The following SPIN1 variants were observed in gnomAD, a reference collection of about 807,000 sequenced individuals.
The protein encoded by SPIN1 is spindlin 1.
Under a neutral mutation model 26.0 loss-of-function variants are expected in SPIN1, and 3 were observed. The ratio of observed to expected loss-of-function variants is 0.12; its 90% CI spans 0.05 to 0.30. The LOEUF is 0.30. Among genes scored for constraint, SPIN1 ranks in the 10% least tolerant of loss-of-function variants. The probability of loss-of-function intolerance (pLI) is 1.00; values close to 1 mark genes in which losing one functional copy is unlikely to be tolerated. For missense variants in SPIN1, 126 were observed against 333.4 expected (o/e 0.38, Z 4.84); for synonymous variants, 101 against 116.5 (o/e 0.87, Z 0.86).
intron 1 of SPIN1, among the ~76,000 whole-genome samples, chr9:88,393,296 T>A (rs1398650966): frequency 6.6e-6 from 1 of 152,024 alleles, no homozygotes; most frequent in African/African-American, 2.4e-5. Context: ...AATTTTTTTT[T>A]TAAAACTAGG....
rs375290668 is a variant in SPIN1, at chr9:88,411,393, C to G, written c.-158-14989C>G. The stretch of plus-strand genomic sequence containing the variant: ...CTCCTCAGGCTCTCATCGGTTGTTT[C>G]AAAGCTCAACCCTCCAATGAAGAGC... On this transcript the variant is annotated intron_variant, in intron 1 of 5. Transcript: ENST00000375859. 21 of 1,595,916 alleles carry G rather than the reference C, an allele frequency of 1.3e-5. No homozygotes were observed. In the East Asian group the frequency reaches 3.3e-4, roughly 25 times the overall value.
intron 1 of SPIN1, among the ~76,000 whole-genome samples, chr9:88,416,973 C>T (rs1827579376): frequency 6.6e-6 from 1 of 152,194 alleles, no homozygotes; most frequent in Admixed American, 6.5e-5. Flanking sequence ...GCAGAATGAC[C>T]TAACCTGTCT....
chr9:88,439,714 C>T (rs977388838), intron 2 of SPIN1, among the ~76,000 whole-genome samples: 5 of 152,156 alleles, frequency 3.3e-5, no homozygotes, highest in African/African-American at 1.2e-4. Flanking sequence ...AGAGTTGACA[C>T]CTTTATTTTA....
intron 1 of SPIN1, among the ~76,000 whole-genome samples, chr9:88,425,127 CTT>C (rs934800036): frequency 6.6e-6 from 1 of 152,050 alleles, no homozygotes; most frequent in Non-Finnish European, 1.5e-5. Context: ...TGAAGAACGA[CTT>C]TACCTTCTGG....
At chr9:88,467,267 G>T (rs959173635) in intron 4 of SPIN1, among the ~76,000 whole-genome samples, 1 of 151,968 alleles carries the variant, frequency 6.6e-6, no homozygotes, top group Non-Finnish European at 1.5e-5. Context: ...AACCACATGG[G>T]GTATCTGATT....
intron 1 of SPIN1, among the ~76,000 whole-genome samples, chr9:88,417,414 C>T (rs1827589996): frequency 1.3e-5 from 2 of 152,172 alleles, no homozygotes; most frequent in Admixed American, 6.5e-5. Context: ...TCACATCCCA[C>T]AAGACTGCCC....
At position 88,468,375 on chromosome 9, in the gene SPIN1, C is replaced by T. The variant is rs771830768; in HGVS notation, c.359C>T (p.Thr120Ile). 5 of 1,523,522 alleles carry T rather than the reference C, an allele frequency of 3.3e-6. No homozygotes were observed. Among genetic ancestry groups the T allele is most frequent in the Non-Finnish European group, 4.4e-6 (5 of 1,131,356 alleles). 94.4% of individuals were successfully genotyped at this position (1,523,522 alleles called of 1,614,324 possible). A position where few individuals can be genotyped will look rare whatever the true frequency, so the allele number is the denominator to read the frequency against. ...TTTTTTTTTTTTTAATCCCCAGCGACATCTCGAATCAGCGATGCACACTTG... is the reference window on the plus strand; with the variant it reads ...TTTTTTTTTTTTTAATCCCCAGCGATATCTCGAATCAGCGATGCACACTTG... ...ALEVLPDRVA[T>I]SRISDAHLAD... Residue 120 changes from threonine to isoleucine, a missense_variant, in exon 5 of 6, where the codon ACA becomes ATA. Transcript: ENST00000375859.
At chr9:88,440,651 G>A (rs575481561) in intron 2 of SPIN1, among the ~76,000 whole-genome samples, 1 of 148,920 alleles carries the variant, frequency 6.7e-6, no homozygotes, top group Non-Finnish European at 1.5e-5. Context: ...TGGTCTCAGC[G>A]TACTGCAACC....
At chr9:88,459,633 T>C (rs945193082) in intron 3 of SPIN1, among the ~76,000 whole-genome samples, 3 of 152,182 alleles carry the variant, frequency 2.0e-5, no homozygotes, top group African/African-American at 2.4e-5. Context: ...ATTTGAAATA[T>C]CAGAACAGAT....
At chr9:88,414,983 A>G (rs1367328208) in intron 1 of SPIN1, among the ~76,000 whole-genome samples, 1 of 152,098 alleles carries the variant, frequency 6.6e-6, no homozygotes, top group Non-Finnish European at 1.5e-5. Flanking sequence ...GGCTCACTGC[A>G]ACCTCCACCT....
chr9:88,418,923 C>T (rs975737609), intron 1 of SPIN1: 3 of 152,084 alleles, frequency 2.0e-5, no homozygotes, highest in Non-Finnish European at 2.9e-5. Context: ...TGACACATAG[C>T]GAGTGCTCAG....
chr9:88,473,667 G>C (rs570626860), intron 5 of SPIN1, among the ~76,000 whole-genome samples: 2 of 151,924 alleles, frequency 1.3e-5, no homozygotes. Flanking sequence ...GTGTGCACGC[G>C]CTATGGAAGC....
intron 1 of SPIN1, among the ~76,000 whole-genome samples, chr9:88,409,584 C>G (rs147444066): frequency 6.6e-6 from 1 of 151,586 alleles, no homozygotes; most frequent in Non-Finnish European, 1.5e-5. Flanking sequence ...TCCTGTAATC[C>G]CAGCACTTTG....
At chr9:88,469,041 G>C (rs1828724802) in intron 5 of SPIN1, among the ~76,000 whole-genome samples, 1 of 152,138 alleles carries the variant, frequency 6.6e-6, no homozygotes, top group Non-Finnish European at 1.5e-5. Flanking sequence ...GTAAATACTT[G>C]AACTTCAGAG....
At chr9:88,410,493 T>G in intron 1 of SPIN1, 1 of 756,048 alleles carries the variant, frequency 1.3e-6, no homozygotes. Context: ...CTGTCACTTC[T>G]CTGGTTCTCC....
intron 1 of SPIN1, among the ~76,000 whole-genome samples, chr9:88,390,065 C>T (rs1001440436): frequency 1.3e-5 from 2 of 152,070 alleles, no homozygotes; most frequent in African/African-American, 4.8e-5. Context: ...GTAGTAGATC[C>T]TAGATTCTTA....
At chr9:88,427,295 G>C (rs905540832) in intron 2 of SPIN1, among the ~76,000 whole-genome samples, 1 of 152,074 alleles carries the variant, frequency 6.6e-6, no homozygotes, top group Non-Finnish European at 1.5e-5. Context: ...AAGTGATTTA[G>C]AACAATTTCT....
intron 2 of SPIN1, among the ~76,000 whole-genome samples, chr9:88,447,455 G>T (rs1378587756): frequency 2.0e-5 from 3 of 152,048 alleles, no homozygotes; most frequent in Non-Finnish European, 4.4e-5. Flanking sequence ...CTTTGTTGAT[G>T]CCCTTTCGAG....
chr9:88,416,405 A>G (rs140000052), intron 1 of SPIN1, among the ~76,000 whole-genome samples: 9 of 152,152 alleles, frequency 5.9e-5, no homozygotes, highest in Non-Finnish European at 1.2e-4. Flanking sequence ...AGCTCTCTGC[A>G]GCATCAAATT....
Sources: allele counts gnomAD v4.1 joint callset (sites outside exome capture counted in the v4.1 genomes callset), GRCh38; gene constraint gnomAD v4.1.1; transcripts MANE v1.5; gene names NCBI Gene and HGNC (gene_info 2026-07-23, HGNC 2026-07-21).